The following KIF26B variants were observed in gnomAD, a reference collection of about 807,000 sequenced individuals.
KIF26B encodes the protein kinesin family member 26B.
KIF26B carries 63 observed loss-of-function variants against 151.2 expected under a neutral mutation model. The ratio of observed to expected loss-of-function variants is 0.42; its 90% CI spans 0.34 to 0.51. The LOEUF is 0.51. Ranked by LOEUF, KIF26B falls within the 20% of genes least tolerant of loss-of-function variation. KIF26B has a pLI of 0.07. For synonymous variants in KIF26B, 1,357 were observed against 1,262.1 expected, an observed-to-expected ratio of 1.08 and a Z score of -1.59; for missense variants, 2,813 against 2,913.6, an observed-to-expected ratio of 0.97 and a Z score of 0.79.
chr1:245,411,165 C>T (rs1486563293), intron 3 of KIF26B, among the ~76,000 whole-genome samples: 2 of 152,350 alleles, frequency 1.3e-5, no homozygotes, highest in Non-Finnish European at 2.9e-5. Context: ...CTTCACAAAT[C>T]CTGCTTAGGA....
chr1:245,380,351 A>G (rs1673377245), intron 3 of KIF26B, among the ~76,000 whole-genome samples: 3 of 152,348 alleles, frequency 2.0e-5, no homozygotes, highest in Non-Finnish European at 1.5e-5. Context: ...AGCCATGTCT[A>G]TATTCAAGGC....
At chr1:245,583,524 G>A (rs114302862) in intron 5 of KIF26B, among the ~76,000 whole-genome samples, 3 of 152,072 alleles carry the variant, frequency 2.0e-5, no homozygotes, top group South Asian at 2.1e-4. Flanking sequence ...TTATATTCTC[G>A]TTTACTCCAT....
intron 5 of KIF26B, among the ~76,000 whole-genome samples, chr1:245,543,554 C>T (rs751153587): frequency 2.0e-5 from 3 of 152,132 alleles, no homozygotes; most frequent in Non-Finnish European, 4.4e-5. Context: ...CCAGTGGCCA[C>T]GTGGCAGCTG....
rs570203750 is a variant in KIF26B, at chr1:245,532,340, G to A, written c.1167-8427G>A. Among the ~76,000 whole-genome samples, 47 of 149,706 alleles carry A rather than the reference G, an allele frequency of 3.1e-4. 1 individual carries two copies. In the East Asian group the frequency reaches 4.1e-3, roughly 13 times the overall value. On this transcript the variant is annotated intron_variant, in intron 4 of 14. Transcript: ENST00000407071. ...GGCTCACTGCAAGCTCTGCCTCCCG[G>A]GTTCACGCCATTCTCCTGCCTCAGC...
intron 2 of KIF26B, among the ~76,000 whole-genome samples, chr1:245,192,762 T>C (rs942942232): frequency 6.6e-6 from 1 of 152,270 alleles, no homozygotes. Flanking sequence ...TTCTTCTATG[T>C]ATTTATTGAT....
At chr1:245,629,454 C>T (rs2043757081) in intron 9 of KIF26B, among the ~76,000 whole-genome samples, 1 of 152,178 alleles carries the variant, frequency 6.6e-6, no homozygotes, top group African/African-American at 2.4e-5. Context: ...ACATCTACAA[C>T]AATCTGATCT....
At chr1:245,370,608 C>T (rs1412878763) in intron 3 of KIF26B, 1 of 456,562 alleles carries the variant, frequency 2.2e-6, no homozygotes, top group East Asian at 6.9e-5. Flanking sequence ...GTGGCAGGGG[C>T]CGGTTAGAAG....
chr1:245,594,002 C>T (rs919447364), intron 5 of KIF26B, among the ~76,000 whole-genome samples: 4 of 152,066 alleles, frequency 2.6e-5, no homozygotes, highest in Non-Finnish European at 4.4e-5. Flanking sequence ...ATCCTTCTCC[C>T]GCTTTTTGAT....
At chr1:245,583,092 A>G (rs186165681) in intron 5 of KIF26B, among the ~76,000 whole-genome samples, 254 of 152,266 alleles carry the variant, frequency 1.7e-3, no homozygotes, top group Admixed American at 3.1e-3. Context: ...CTTTTAAAAC[A>G]TTTCCAACCT....
chr1:245,179,318 T>C (rs544821540), intron 2 of KIF26B, among the ~76,000 whole-genome samples: 1 of 152,308 alleles, frequency 6.6e-6, no homozygotes, highest in East Asian at 1.9e-4. Flanking sequence ...CTGTGTTAAA[T>C]ACTATGGATT....
chr1:245,192,124 G>A (rs962493932), intron 2 of KIF26B, among the ~76,000 whole-genome samples: 1 of 152,038 alleles, frequency 6.6e-6, no homozygotes, highest in South Asian at 2.1e-4. Context: ...TAATTATAAA[G>A]AATTAGAAAG....
chr1:245,510,014 C>T (rs969270752), intron 4 of KIF26B, among the ~76,000 whole-genome samples: 2 of 152,200 alleles, frequency 1.3e-5, no homozygotes, highest in African/African-American at 4.8e-5. Flanking sequence ...GTGGAGGGTC[C>T]TGGGCTGCAG....
At position 245,511,570 on chromosome 1, in the gene KIF26B, G is replaced by A. The variant is rs1209482973; in HGVS notation, c.1167-29197G>A. Among the ~76,000 whole-genome samples, 7 of 152,260 alleles carry A rather than the reference G, an allele frequency of 4.6e-5. No individual in the cohort carries two copies. In the East Asian group the frequency reaches 7.7e-4, roughly 17 times the overall value. ...TTCAGAGCAGGTTCTTTCTGGCTGC[G>A]TAAATGTGAGGGTTTTTGTTTGTTT... is the stretch of plus-strand genomic sequence containing the variant. On this transcript the variant is annotated intron_variant, in intron 4 of 14. Coordinates refer to ENST00000407071, the MANE Select transcript of KIF26B (RefSeq NM_018012.4).
At chr1:245,522,130 A>G (rs1018269539) in intron 4 of KIF26B, among the ~76,000 whole-genome samples, 2 of 152,048 alleles carry the variant, frequency 1.3e-5, no homozygotes, top group Admixed American at 6.5e-5. Flanking sequence ...TGGCCTCCCA[A>G]AGTGCTGGGA....
intron 3 of KIF26B, among the ~76,000 whole-genome samples, chr1:245,374,059 CAAAAAAAAAAAA>C (rs1172397969): frequency 6.9e-4 from 12 of 17,478 alleles, no homozygotes; most frequent in African/African-American, 1.5e-3. Context: ...GAACCTATCT[CAAAAAAAAAAAA>C]AAAAAAAAAA....
intron 2 of KIF26B, among the ~76,000 whole-genome samples, chr1:245,226,307 A>G (rs1191826356): frequency 6.6e-6 from 1 of 152,216 alleles, no homozygotes; most frequent in South Asian, 2.1e-4. Context: ...CTCAGGTTGC[A>G]GAGAGCCAGC....
intron 2 of KIF26B, among the ~76,000 whole-genome samples, chr1:245,362,066 T>C (rs1672831522): frequency 6.6e-6 from 1 of 151,636 alleles, no homozygotes; most frequent in African/African-American, 2.4e-5. Context: ...CCTTTCGCCA[T>C]CAGCAAACTC....
At chr1:245,553,555 A>G (rs115096171) in intron 5 of KIF26B, among the ~76,000 whole-genome samples, 4,824 of 152,178 alleles carry the variant, frequency 0.032, 137 homozygotes, top group East Asian at 0.16. Context: ...ATGGATTTTT[A>G]TATATGGATT....
At chr1:245,476,068 T>G (rs1037339239) in intron 4 of KIF26B, among the ~76,000 whole-genome samples, 1 of 151,884 alleles carries the variant, frequency 6.6e-6, no homozygotes, top group African/African-American at 2.4e-5. Flanking sequence ...GGAAAGTTAT[T>G]CGCCACAAAA....
Sources: allele counts gnomAD v4.1 joint callset (sites outside exome capture counted in the v4.1 genomes callset), GRCh38; gene constraint gnomAD v4.1.1; transcripts MANE v1.5; gene names NCBI Gene and HGNC (gene_info 2026-07-23, HGNC 2026-07-21).